Variants in RBFOX2 observed in about 807,000 individuals in gnomAD.
The protein encoded by RBFOX2 is RNA binding fox-1 homolog 2, also known as RNA binding protein fox-1 homolog 2.
In RBFOX2, 10 loss-of-function variants were observed where a neutral mutation model predicts 49.1. That is an observed-to-expected ratio of 0.20 (90% confidence interval 0.13 to 0.35). RBFOX2 has a LOEUF of 0.35. Ranked by LOEUF, RBFOX2 falls within the 10% of genes least tolerant of loss-of-function variation. RBFOX2 has a pLI of 1.00. For missense variants in RBFOX2, 323 were observed against 486.9 expected (o/e 0.66, Z 3.17); for synonymous variants, 183 against 187.4 (o/e 0.98, Z 0.19).
intron 1 of RBFOX2, among the ~76,000 whole-genome samples, chr22:35,955,362 A>G (rs1206546681): frequency 6.6e-6 from 1 of 152,106 alleles, no homozygotes; most frequent in Admixed American, 6.5e-5. Context: ...TCAATAATAA[A>G]CCAACCATTA....
At chr22:35,765,396 A>G (rs1402123684) in intron 6 of RBFOX2, 27 bp downstream of exon 7, 2 of 1,451,866 alleles carry the variant, frequency 1.4e-6, no homozygotes, top group East Asian at 2.4e-5. Flanking sequence ...AAGAATAAAC[A>G]CTCTTTCGAA....
intron 1 of RBFOX2, chr22:36,000,443 A>T (rs2058368326): frequency 6.6e-6 from 1 of 152,240 alleles, no homozygotes; most frequent in African/African-American, 2.4e-5. Context: ...CTTGGCTTTA[A>T]ATACTACATA....
intron 1 of RBFOX2, among the ~76,000 whole-genome samples, chr22:35,970,890 C>T (rs2056834852): frequency 6.6e-6 from 1 of 152,142 alleles, no homozygotes; most frequent in Non-Finnish European, 1.5e-5. Context: ...CCTGGGATGG[C>T]AGAGTTTCTG....
chr22:35,938,765 GAA>G, intron 1 of RBFOX2, 80 bp downstream of exon 2: 1 of 1,332,200 alleles, frequency 7.5e-7, no homozygotes, highest in East Asian at 2.3e-5. Flanking sequence ...GTAATTTCAG[GAA>G]ATGCTCTCTA....
At chr22:35,810,615 CCTCA>C (rs971979568) in intron 1 of RBFOX2, among the ~76,000 whole-genome samples, 1 of 152,144 alleles carries the variant, frequency 6.6e-6, no homozygotes, top group African/African-American at 2.4e-5. Context: ...AAATGCTCAA[CCTCA>C]CTAACTGTCA....
chr22:35,746,507 C>T lies in RBFOX2; in HGVS notation c.942G>A (p.Pro314=), dbSNP rs760198924. The change falls in exon 10 of 12, where the codon CCG becomes CCA. Residue 314 remains proline, a synonymous_variant. Coordinates refer to ENST00000405409, the Ensembl canonical transcript of RBFOX2. ...TAAGCGGCTGCAGCGGCTGCAGCAGCGGTGGCTGCGGTTGCAGTAGCAGGC... is the reference window on the plus strand; with the variant it reads ...TAAGCGGCTGCAGCGGCTGCAGCAGTGGTGGCTGCGGTTGCAGTAGCAGGC... The T allele has an allele frequency of 6.3e-5, 101 of 1,609,400 alleles. No individual in the cohort carries two copies. The highest frequency in any genetic ancestry group is 8.0e-5 in the Non-Finnish European group (94 of 1,177,574).
At chr22:35,770,774 G>C (rs749191521) in intron 4 of RBFOX2, among the ~76,000 whole-genome samples, 1 of 152,120 alleles carries the variant, frequency 6.6e-6, no homozygotes, top group Non-Finnish European at 1.5e-5. Context: ...TTCACAGTCA[G>C]CAAATGTCAA....
chr22:35,945,876 G>T (rs1603451918), intron 1 of RBFOX2, among the ~76,000 whole-genome samples: 1 of 152,250 alleles, frequency 6.6e-6, no homozygotes, highest in East Asian at 1.9e-4. Context: ...CCAACATGAG[G>T]TCCAACTGTT....
intron 1 of RBFOX2, among the ~76,000 whole-genome samples, chr22:35,975,610 A>G (rs868647048): frequency 9.2e-5 from 14 of 152,150 alleles, no homozygotes; most frequent in Non-Finnish European, 1.6e-4. Context: ...GTAAATCCTA[A>G]CCTTGGGAGT....
rs369076505 is a variant in RBFOX2 at position 35,854,636 on chromosome 22, T to A, written c.-33-44632A>T. ...TAGAGGATATACACAATAAAGAATC[T>A]TAATCTTTAGATATATGATTAAGAT... On this transcript the variant is annotated intron_variant, in intron 1 of 13. Coordinates refer to the RBFOX2 transcript ENST00000359369. Among the ~76,000 whole-genome samples the A allele has an allele frequency of 9.2e-5, 14 of 152,150 alleles. No homozygotes were observed. In the East Asian group the frequency reaches 2.5e-3, roughly 27 times the overall value.
intron 1 of RBFOX2, among the ~76,000 whole-genome samples, chr22:36,020,253 C>G (rs1345218784): frequency 6.6e-6 from 1 of 152,026 alleles, no homozygotes. Context: ...TAATTCAAGA[C>G]GGATTAAAGA....
upstream of RBFOX2, among the ~76,000 whole-genome samples, chr22:35,939,838 T>C (rs1301787226): frequency 6.7e-6 from 1 of 149,930 alleles, no homozygotes; most frequent in Non-Finnish European, 1.5e-5. Context: ...GTTAGTCGAC[T>C]GATGGAGTAA....
At chr22:35,764,688 G>T (rs774015161) in intron 6 of RBFOX2, among the ~76,000 whole-genome samples, 4 of 151,572 alleles carry the variant, frequency 2.6e-5, no homozygotes, top group Non-Finnish European at 5.9e-5. Context: ...GTACAGCTGA[G>T]ACCTCAGAAT....
intron 2 of RBFOX2, among the ~76,000 whole-genome samples, chr22:35,798,187 C>G (rs1949125444): frequency 6.6e-6 from 1 of 152,092 alleles, no homozygotes; most frequent in African/African-American, 2.4e-5. Flanking sequence ...GTTGGTTAGG[C>G]TGGTCTTGAA....
chr22:35,819,711 GA>G (rs1257914180), intron 1 of RBFOX2, among the ~76,000 whole-genome samples: 5 of 152,132 alleles, frequency 3.3e-5, no homozygotes, highest in African/African-American at 9.7e-5. Context: ...TGATTAAAAA[GA>G]CAAAGTCCCT....
chr22:35,942,921 A>G (rs2053858725), upstream of RBFOX2, among the ~76,000 whole-genome samples: 1 of 152,216 alleles, frequency 6.6e-6, no homozygotes, highest in African/African-American at 2.4e-5. Context: ...TTACTGCTTT[A>G]TAACTTATAA....
At chr22:35,954,703 G>A (rs1290643265) in intron 1 of RBFOX2, among the ~76,000 whole-genome samples, 2 of 152,166 alleles carry the variant, frequency 1.3e-5, no homozygotes, top group Non-Finnish European at 2.9e-5. Flanking sequence ...AACATTTACT[G>A]AGGGACGTTT....
chr22:35,926,589 A>C (rs1236874065), intron 1 of RBFOX2, among the ~76,000 whole-genome samples: 1 of 152,202 alleles, frequency 6.6e-6, no homozygotes, highest in East Asian at 1.9e-4. Flanking sequence ...GCAACCCTAA[A>C]CTAAGCAAAA....
chr22:35,803,348 G>C (rs569551659), intron 2 of RBFOX2, among the ~76,000 whole-genome samples: 1 of 152,236 alleles, frequency 6.6e-6, no homozygotes, highest in Non-Finnish European at 1.5e-5. Flanking sequence ...GTTGGATTTA[G>C]CAGACAACGT....
Sources: allele counts gnomAD v4.1 joint callset (sites outside exome capture counted in the v4.1 genomes callset), GRCh38; gene constraint gnomAD v4.1.1; transcripts MANE v1.5; gene names NCBI Gene and HGNC (gene_info 2026-07-23, HGNC 2026-07-21).